The following SH3KBP1 variants were observed in gnomAD, a reference collection of about 807,000 sequenced individuals.
SH3KBP1 encodes SH3 domain containing kinase binding protein 1.
In SH3KBP1, 8 loss-of-function variants were observed where a neutral mutation model predicts 50.1. The ratio of observed to expected loss-of-function variants is 0.16; its 90% confidence interval spans 0.09 to 0.29. SH3KBP1 has a LOEUF of 0.29. Ranked by LOEUF, SH3KBP1 falls within the 10% of genes least tolerant of loss-of-function variation. The pLI, the probability that SH3KBP1 is intolerant of heterozygous loss-of-function variation, is 1.00. For missense variants in SH3KBP1, 377 were observed against 535.2 expected, an observed-to-expected ratio of 0.70 and a Z score of 2.92; for synonymous variants, 227 against 218.6, an observed-to-expected ratio of 1.04 and a Z score of -0.34.
chrX:19,576,721 G>T (rs1048683043), intron 12 of SH3KBP1, among the ~76,000 whole-genome samples: 1 of 112,297 alleles, frequency 8.9e-6, no homozygotes, highest in Non-Finnish European at 1.9e-5. Flanking sequence ...GGGATTACAG[G>T]CATGCTTTAA....
intron 12 of SH3KBP1, among the ~76,000 whole-genome samples, chrX:19,572,314 G>T (rs766688711): frequency 3.8e-5 from 4 of 104,254 alleles, no homozygotes; most frequent in African/African-American, 1.4e-4. Context: ...TAGTACATAT[G>T]TTATATAGTA....
chrX:19,686,062 A>T (rs192975017), intron 5 of SH3KBP1, among the ~76,000 whole-genome samples: 28 of 111,605 alleles, frequency 2.5e-4, no homozygotes, highest in Admixed American at 7.6e-4. Flanking sequence ...TGTTTATACT[A>T]ATCACCGTGA....
At chrX:19,567,259 C>T (rs999112639) in intron 13 of SH3KBP1, among the ~76,000 whole-genome samples, 1 of 108,207 alleles carries the variant, frequency 9.2e-6, no homozygotes, top group East Asian at 2.9e-4. Flanking sequence ...TAGCTCACAG[C>T]TGTAATCCCG....
chrX:19,687,625 C>G, intron 5 of SH3KBP1: 1 of 1,204,399 alleles, frequency 8.3e-7, no homozygotes, highest in South Asian at 1.8e-5. Flanking sequence ...ACTGTAATAG[C>G]GTCTGTGGCC....
At position 19,842,936 on chromosome X, in the gene SH3KBP1, C is replaced by T. The variant is rs183022671; in HGVS notation, c.5-6654G>A. On this transcript the variant is annotated intron_variant, in intron 1 of 17. Transcript: ENST00000397821. Reference sequence around the variant, plus strand: ...AATGCCTTCTGATAAATCCTTTTTGCTACCTTAGTTAAGGAAGAGTTGGTT... The same window carrying T: ...AATGCCTTCTGATAAATCCTTTTTGTTACCTTAGTTAAGGAAGAGTTGGTT... Among the ~76,000 whole-genome samples the T allele has an allele frequency of 1.3e-3, 148 of 109,651 alleles. 1 individual carries two copies. Among genetic ancestry groups the T allele is most frequent in the African/African-American group, 4.3e-3 (130 of 30,118 alleles).
At chrX:19,551,220 T>G (rs2065228401) in intron 13 of SH3KBP1, among the ~76,000 whole-genome samples, 1 of 112,081 alleles carries the variant, frequency 8.9e-6, no homozygotes, top group Admixed American at 9.4e-5. Flanking sequence ...TAGCACCTGA[T>G]GATAACTCCT....
intron 1 of SH3KBP1, among the ~76,000 whole-genome samples, chrX:19,845,934 G>A: frequency 8.9e-6 from 1 of 111,864 alleles, no homozygotes; most frequent in Middle Eastern, 4.6e-3. Context: ...AGTTTTTAGA[G>A]CCTCCAATTA....
intron 6 of SH3KBP1, among the ~76,000 whole-genome samples, chrX:19,654,371 G>A (rs1245664713): frequency 1.8e-5 from 2 of 111,618 alleles, no homozygotes; most frequent in South Asian, 3.8e-4. Flanking sequence ...ATGCAGTGTC[G>A]AAGATGGGAT....
intron 12 of SH3KBP1, among the ~76,000 whole-genome samples, chrX:19,573,174 C>A (rs2066098628): frequency 8.9e-6 from 1 of 112,115 alleles, no homozygotes; most frequent in Non-Finnish European, 1.9e-5. Flanking sequence ...TGGTGAAAAA[C>A]AAACAAAATC....
chrX:19,834,577 T>A (rs1326395385), intron 2 of SH3KBP1, among the ~76,000 whole-genome samples: 1 of 112,414 alleles, frequency 8.9e-6, no homozygotes, highest in Non-Finnish European at 1.9e-5. Flanking sequence ...CTTACAACTG[T>A]GTGGTAATTT....
intron 6 of SH3KBP1, among the ~76,000 whole-genome samples, chrX:19,646,729 T>C (rs1430147117): frequency 8.9e-6 from 1 of 112,823 alleles, no homozygotes; most frequent in East Asian, 2.8e-4. Context: ...TATGAATAAA[T>C]CACAGAAAGA....
chrX:19,622,870 C>T (rs752765874), intron 8 of SH3KBP1, among the ~76,000 whole-genome samples: 16 of 110,651 alleles, frequency 1.4e-4, no homozygotes, highest in Admixed American at 6.7e-4. Context: ...TGGCGAAACC[C>T]CATCTCTACT....
chrX:19,787,688 G>C (rs992668506), intron 2 of SH3KBP1, among the ~76,000 whole-genome samples: 2 of 111,785 alleles, frequency 1.8e-5, no homozygotes, highest in Non-Finnish European at 3.8e-5. Context: ...GTGGGGTGGA[G>C]AGGAGTTCTC....
chrX:19,703,696 C>CTGTGTG (rs56915755), intron 4 of SH3KBP1, among the ~76,000 whole-genome samples: 819 of 63,470 alleles, frequency 0.013, 9 homozygotes, highest in East Asian at 0.024. Context: ...AAAAGAGAAA[C>CTGTGTG]TGTGTGTGTG....
In SH3KBP1 at chrX:19,868,850, C is replaced by T. The variant is rs368608041; in HGVS notation, c.4+18457G>A. ...CCCCTACGGTAGACAGAATAATGCT[C>T]CCCAATCCCCACAAAGTATGTCCAT... On this transcript the variant is annotated intron_variant, in intron 1 of 17. Transcript: ENST00000397821. Among the ~76,000 whole-genome samples, 4 of 108,395 alleles carry T rather than the reference C, an allele frequency of 3.7e-5. No homozygotes were observed. In the East Asian group the frequency reaches 1.2e-3, roughly 33 times the overall value. The allele number at this position is 108,395 out of a possible 115,157, so 94.1% of individuals were successfully genotyped here.
chrX:19,684,505 T>A (rs1183245035), intron 5 of SH3KBP1, among the ~76,000 whole-genome samples: 1 of 112,711 alleles, frequency 8.9e-6, no homozygotes. Flanking sequence ...AAAAGCCATT[T>A]AAACAAATGA....
chrX:19,865,677 G>A (rs1250429790), intron 1 of SH3KBP1, among the ~76,000 whole-genome samples: 1 of 111,918 alleles, frequency 8.9e-6, no homozygotes, highest in Non-Finnish European at 1.9e-5. Flanking sequence ...AGCAAGTCTC[G>A]GTTACCTGGG....
chrX:19,541,848 C>T, intron 16 of SH3KBP1, 77 bp downstream of exon 16: 1 of 1,111,592 alleles, frequency 9.0e-7, no homozygotes, highest in Non-Finnish European at 1.2e-6. Context: ...AGGCTGGGAT[C>T]CATGCTTTCA....
At chrX:19,823,971 C>A (rs1264728161) in intron 2 of SH3KBP1, among the ~76,000 whole-genome samples, 1 of 111,049 alleles carries the variant, frequency 9.0e-6, no homozygotes, top group East Asian at 2.8e-4. Flanking sequence ...CAGGCATGGA[C>A]CACCACGCCT....
Sources: gnomAD v4.1 joint callset for allele counts (sites outside exome capture counted in the v4.1 genomes callset) on GRCh38, gnomAD v4.1.1 for gene constraint, MANE v1.5 for transcripts, NCBI Gene and HGNC (gene_info 2026-07-23, HGNC 2026-07-21) for gene names.